The following ASPH variants were observed in gnomAD, a reference collection of about 807,000 sequenced individuals.
ASPH encodes aspartyl/asparaginyl beta-hydroxylase.
Under a neutral mutation model 118.4 loss-of-function variants are expected in ASPH, and 100 were observed. The observed-to-expected ratio is 0.84, with a 90% CI of 0.72 to 1.00. The LOEUF (loss-of-function observed/expected upper bound fraction) is 1.00, where lower values mean the gene tolerates loss of function less well. Ranked by LOEUF, ASPH falls within the 50% of genes least tolerant of loss-of-function variation. The pLI, the probability that ASPH is intolerant of heterozygous loss-of-function variation, is 0.00. For synonymous variants in ASPH, 315 were observed against 325.6 expected, an observed-to-expected ratio of 0.97 and a Z score of 0.35; for missense variants, 920 against 919.5, an observed-to-expected ratio of 1.00 and a Z score of -0.01.
rs544026386 is a variant in ASPH, at chr8:61,703,945, A to G, written c.103+10324T>C. Among the ~76,000 whole-genome samples the G allele has an allele frequency of 2.0e-5, 3 of 152,220 alleles. No homozygotes were observed. In the East Asian group the frequency reaches 5.8e-4, roughly 29 times the overall value. ...GGACAAACAGATAACAAAAAAACAG[A>G]GGGACTTTGGGAGGCCGAGGCGGGC... On this transcript the variant is annotated intron_variant, in intron 1 of 24. Transcript: ENST00000379454.
chr8:61,682,265 C>T (rs1828456250), intron 2 of ASPH, among the ~76,000 whole-genome samples: 1 of 151,962 alleles, frequency 6.6e-6, no homozygotes, highest in Non-Finnish European at 1.5e-5. Flanking sequence ...ATGCAGAGTA[C>T]AGAATTCAAG....
intron 14 of ASPH, among the ~76,000 whole-genome samples, chr8:61,612,157 T>A (rs888165338): frequency 6.6e-6 from 1 of 151,948 alleles, no homozygotes; most frequent in Non-Finnish European, 1.5e-5. Context: ...ATAGTATTAA[T>A]GAGTAAACAG....
intron 13 of ASPH, among the ~76,000 whole-genome samples, chr8:61,620,121 GTGT>G (rs1354111812): frequency 6.6e-6 from 1 of 152,178 alleles, no homozygotes; most frequent in Non-Finnish European, 1.5e-5. Context: ...TATAAGTCAA[GTGT>G]TCTTGCTCCT....
At chr8:61,561,125 AG>A (rs1829790944) in intron 18 of ASPH, among the ~76,000 whole-genome samples, 1 of 101,418 alleles carries the variant, frequency 9.9e-6, no homozygotes, top group Non-Finnish European at 2.0e-5. Context: ...GGAGGGAGGG[AG>A]GGAGGGAGGG....
intron 4 of ASPH, among the ~76,000 whole-genome samples, chr8:61,652,750 T>C (rs538176530): frequency 6.6e-6 from 1 of 152,174 alleles, no homozygotes; most frequent in South Asian, 2.1e-4. Context: ...AGCTATGGTA[T>C]GATCATAGCA....
Position 61,518,033 on chromosome 8 carries a change from T to G in ASPH, c.1991A>C (p.Gln664Pro). 1.2e-6 allele frequency: 2 copies of G among 1,611,426 alleles called. No homozygotes were observed. Among genetic ancestry groups the G allele is most frequent in the Non-Finnish European group, 1.7e-6 (2 of 1,177,648 alleles). ...FPETTGCRRGQIKYSIMHPGT... is the reference protein window; with the variant it reads ...FPETTGCRRGPIKYSIMHPGT... ...TCCCCAGCACGACACTCTTGGTACCTGTCCTCTTCTGCATCCTGTTGTCTC... is the reference window on the plus strand; with the variant it reads ...TCCCCAGCACGACACTCTTGGTACCGGTCCTCTTCTGCATCCTGTTGTCTC... Residue 664 changes from glutamine to proline, a missense_variant and splice_region_variant, in exon 23 of 25, where the codon CAG becomes CCG. Gln to Pro is a moderately conservative substitution (Grantham distance 76). Transcript: ENST00000379454.
rs546384645 is a variant in ASPH, at chr8:61,638,382, A to G, written c.791-19T>C. The G allele has an allele frequency of 6.5e-7, 1 of 1,547,774 alleles. No homozygotes were observed. Among genetic ancestry groups the G allele is most frequent in the East Asian group, 2.3e-5 (1 of 44,436 alleles). On this transcript the variant is annotated intron_variant, in intron 10 of 24. Coordinates refer to ENST00000379454, the MANE Select transcript of ASPH (RefSeq NM_004318.4). ...TATACTGCTAAAAAAAAAAAAACAG[A>G]AACAAAATCCCGTAACTTTCATTGT...
rs1435738737 is a variant in ASPH at position 61,502,529 on chromosome 8, C to G, written c.*830G>C. On this transcript the variant is annotated 3_prime_UTR_variant, in exon 25 of 25. Transcript: ENST00000379454. Reference sequence around the variant, plus strand: ...AAGAACATAGTTTTATTTCCGTGAACTATACTTTTTCCCCAGAAGCTCTAA... The same window carrying G: ...AAGAACATAGTTTTATTTCCGTGAAGTATACTTTTTCCCCAGAAGCTCTAA... 1 of 152,166 alleles carries G rather than the reference C, an allele frequency of 6.6e-6. No individual in the cohort carries two copies. Among genetic ancestry groups the G allele is most frequent in the Non-Finnish European group, 1.5e-5 (1 of 68,032 alleles). The allele number at this position is 152,166 out of a possible 1,614,324, so 9.4% of individuals were successfully genotyped here. A position where few individuals can be genotyped will look rare whatever the true frequency, so the allele number is the denominator to read the frequency against.
intron 24 of ASPH, among the ~76,000 whole-genome samples, chr8:61,515,649 G>A (rs1810631861): frequency 6.6e-6 from 1 of 152,128 alleles, no homozygotes; most frequent in Non-Finnish European, 1.5e-5. Context: ...TTCTACAAGT[G>A]TGTTCCAATA....
At position 61,503,349 on chromosome 8, in the gene ASPH, T is replaced by A. The variant is rs148842811; in HGVS notation, c.*10A>T. On this transcript the variant is annotated 3_prime_UTR_variant, in exon 25 of 25. Coordinates refer to ENST00000379454, the MANE Select transcript of ASPH (RefSeq NM_004318.4). ...CTCTCCAGAGTTTCCCAAGCTTGCA[T>A]GAATTCATGCTAAATTGCTGGAAGG... 4.6e-4 allele frequency: 738 copies of A among 1,599,834 alleles called. 4 individuals carry two copies. The African/African-American group carries it at 6.1e-3, about 13-fold the overall frequency.
At chr8:61,676,293 T>G (rs773351118) in intron 3 of ASPH, 2 of 1,586,744 alleles carry the variant, frequency 1.3e-6, no homozygotes, top group South Asian at 2.2e-5. Flanking sequence ...GAATCAATAT[T>G]TTCATTACTG....
In ASPH at chr8:61,692,646, TC is replaced by T. The variant is rs780721384; in HGVS notation, c.104-8459del. Reference sequence around the variant, plus strand: ...CATGAGTCAGCACTGAATACTTCCTTCCCCTCACCCCGGATCAGCTATCATT... The same window carrying T: ...CATGAGTCAGCACTGAATACTTCCTTCCCTCACCCCGGATCAGCTATCATT... On this transcript the variant is annotated intron_variant, in intron 1 of 24. Transcript: ENST00000379454. 1.7e-4 allele frequency among the ~76,000 whole-genome samples: 26 copies of T among 152,172 alleles called. 1 individual carries two copies. The East Asian group carries it at 3.7e-3, about 22-fold the overall frequency.
intron 21 of ASPH, among the ~76,000 whole-genome samples, chr8:61,534,749 C>T (rs558747487): frequency 2.6e-5 from 4 of 152,144 alleles, no homozygotes; most frequent in Non-Finnish European, 4.4e-5. Flanking sequence ...AGGACCATTC[C>T]GAGAAAAGTT....
At chr8:61,680,924 A>T (rs1827738266) in intron 3 of ASPH, 44 bp downstream of exon 3, 3 of 1,497,728 alleles carry the variant, frequency 2.0e-6, no homozygotes, top group Non-Finnish European at 2.7e-6. Context: ...AATTGTTTCC[A>T]GCATTTTATC....
chr8:61,551,081 G>A (rs920711417), intron 20 of ASPH, among the ~76,000 whole-genome samples: 1 of 152,196 alleles, frequency 6.6e-6, no homozygotes, highest in Non-Finnish European at 1.5e-5. Context: ...CAGTAGACAT[G>A]AGAATGGGGA....
rs538789024 is a variant in ASPH, at chr8:61,651,731, C to A, written c.416-607G>T. ...GGAGAACCACATCTGACACTGAGAT[C>A]CATAAATTCAAATAAATTGAATTAC... is the stretch of plus-strand genomic sequence containing the variant. On this transcript the variant is annotated intron_variant, in intron 4 of 24. Transcript: ENST00000379454. Among the ~76,000 whole-genome samples the A allele has an allele frequency of 2.6e-5, 4 of 152,236 alleles. No individual in the cohort carries two copies. In the South Asian group the frequency reaches 6.2e-4, roughly 24 times the overall value.
rs2129619315 is a variant in ASPH at position 61,518,126 on chromosome 8, A to G, written c.1901-3T>C. 6.2e-7 allele frequency: 1 copy of G among 1,610,142 alleles called. No homozygotes were observed. Among genetic ancestry groups the G allele is most frequent in the Non-Finnish European group, 8.5e-7 (1 of 1,176,616 alleles). ...GCAGGCATTTTCATTTCTTCTTCCT[A>G]GAATAAATAACATAATTGTTGGAAA... On this transcript the variant is annotated splice_polypyrimidine_tract_variant and splice_region_variant and intron_variant, in intron 22 of 24. Transcript: ENST00000379454.
chr8:61,551,611 C>A (rs913962386), intron 20 of ASPH, among the ~76,000 whole-genome samples: 1 of 152,180 alleles, frequency 6.6e-6, no homozygotes, highest in African/African-American at 2.4e-5. Flanking sequence ...CTTGAAGTAA[C>A]GGCTGTTTTC....
chr8:61,713,378 T>C (rs1838534529), intron 1 of ASPH, among the ~76,000 whole-genome samples: 3 of 152,356 alleles, frequency 2.0e-5, no homozygotes, highest in South Asian at 4.1e-4. Context: ...TCTTTGACTA[T>C]AGCTGATTCA....
Sources: gnomAD v4.1 joint callset for allele counts (sites outside exome capture counted in the v4.1 genomes callset) on GRCh38, gnomAD v4.1.1 for gene constraint, MANE v1.5 for transcripts, NCBI Gene and HGNC (gene_info 2026-07-23, HGNC 2026-07-21) for gene names.